TNRC6A: variants seen among roughly 807,000 people sequenced by gnomAD.
TNRC6A encodes the protein trinucleotide repeat-containing gene 6A protein.
TNRC6A carries 44 observed loss-of-function variants against 221.2 expected under a neutral mutation model. That is an observed-to-expected ratio of 0.20 (90% confidence interval 0.16 to 0.26). The LOEUF is 0.26. Among genes scored for constraint, TNRC6A ranks in the 10% least tolerant of loss-of-function variants. The pLI is 1.00. For missense variants in TNRC6A, 2,199 were observed against 2,404.4 expected (o/e 0.91, Z 1.79); for synonymous variants, 847 against 838.5 (o/e 1.01, Z -0.18).
At chr16:24,645,196 A>G (rs1194322409) in intron 2 of TNRC6A, among the ~76,000 whole-genome samples, 2 of 152,218 alleles carry the variant, frequency 1.3e-5, no homozygotes, top group Non-Finnish European at 2.9e-5. Context: ...AAGCAAAAGC[A>G]TATCAGTTTT....
intron 2 of TNRC6A, among the ~76,000 whole-genome samples, chr16:24,697,838 G>A (rs1306797877): frequency 2.0e-5 from 3 of 151,872 alleles, no homozygotes; most frequent in Non-Finnish European, 2.9e-5. Flanking sequence ...TCAAGAGATC[G>A]AGACCATCCT....
chr16:24,675,724 A>G (rs1342538560), intron 2 of TNRC6A, among the ~76,000 whole-genome samples: 3 of 134,346 alleles, frequency 2.2e-5, no homozygotes, highest in Non-Finnish European at 4.8e-5. Flanking sequence ...ATATATATAT[A>G]TATATATATA....
chr16:24,806,262 C>T lies in TNRC6A; in HGVS notation c.4308C>T (p.Asn1436=), dbSNP rs774402065. ...AQSQRSVPSG[N]RPQQDQQGRP... is the part of the protein sequence containing the mutation. ...GTCAGAGAAGCGTGCCTTCTGGGAA[C>T]CGGCCGCAGCAAGACCAGCAGGTAG... The change falls in exon 16 of 25, where the codon AAC becomes AAT. Residue 1436 remains asparagine, a synonymous_variant. Transcript: ENST00000395799. 1.2e-6 allele frequency: 2 copies of T among 1,614,166 alleles called. No homozygotes were observed. The highest frequency in any genetic ancestry group is 1.7e-6 in the Non-Finnish European group (2 of 1,180,032).
At chr16:24,700,389 C>T (rs542000677) in intron 2 of TNRC6A, among the ~76,000 whole-genome samples, 10 of 152,176 alleles carry the variant, frequency 6.6e-5, no homozygotes, top group African/African-American at 2.4e-4. Flanking sequence ...ACGCATGCCA[C>T]CATGCCCGGC....
At chr16:24,785,044 A>G (rs1333820517) in intron 5 of TNRC6A, among the ~76,000 whole-genome samples, 1 of 152,222 alleles carries the variant, frequency 6.6e-6, no homozygotes, top group Non-Finnish European at 1.5e-5. Context: ...AAAGTTTTCA[A>G]GTACTGAATA....
intron 2 of TNRC6A, among the ~76,000 whole-genome samples, chr16:24,655,968 T>C (rs1047788827): frequency 2.0e-5 from 3 of 146,944 alleles, no homozygotes; most frequent in Non-Finnish European, 4.5e-5. Context: ...ACGGAGACCC[T>C]TGTCTTTACA....
chr16:24,787,929 A>T (rs899738587), intron 5 of TNRC6A, among the ~76,000 whole-genome samples: 2 of 152,194 alleles, frequency 1.3e-5, no homozygotes, highest in African/African-American at 4.8e-5. Flanking sequence ...GAAGATATAT[A>T]CTTAAAAGCA....
intron 5 of TNRC6A, among the ~76,000 whole-genome samples, chr16:24,786,108 T>A (rs1172453204): frequency 6.6e-6 from 1 of 152,192 alleles, no homozygotes; most frequent in Non-Finnish European, 1.5e-5. Context: ...AGTGGAAATT[T>A]TAAGTAAGGA....
At chr16:24,783,990 A>G (rs985560385) in intron 5 of TNRC6A, among the ~76,000 whole-genome samples, 2 of 151,892 alleles carry the variant, frequency 1.3e-5, no homozygotes, top group African/African-American at 4.8e-5. Context: ...CCTGCAACAC[A>G]TTTTGTTTTT....
At chr16:24,641,315 C>T (rs779906497) in intron 2 of TNRC6A, among the ~76,000 whole-genome samples, 2 of 152,132 alleles carry the variant, frequency 1.3e-5, no homozygotes, top group Non-Finnish European at 2.9e-5. Flanking sequence ...GACCCATGCT[C>T]TTTCTGATAT....
chr16:24,691,490 C>T (rs1259669707), intron 2 of TNRC6A, among the ~76,000 whole-genome samples: 1 of 152,072 alleles, frequency 6.6e-6, no homozygotes, highest in African/African-American at 2.4e-5. Flanking sequence ...CTGAAAGGGC[C>T]AGACGCGGTG....
intron 3 of TNRC6A, 33 bp downstream of exon 3, chr16:24,750,846 G>A: frequency 3.5e-6 from 5 of 1,408,976 alleles, no homozygotes; most frequent in Non-Finnish European, 4.7e-6. Context: ...ATATTAAGCA[G>A]TTTAAACATA....
At chr16:24,708,396 A>G (rs75813157) in intron 2 of TNRC6A, among the ~76,000 whole-genome samples, 39,141 of 151,726 alleles carry the variant, frequency 0.26, 8,335 homozygotes, top group East Asian at 0.72. Flanking sequence ...ACCCGCCACC[A>G]CGCCCGGCTA....
At chr16:24,784,505 G>T (rs1427238946) in intron 5 of TNRC6A, among the ~76,000 whole-genome samples, 1 of 152,012 alleles carries the variant, frequency 6.6e-6, no homozygotes, top group Non-Finnish European at 1.5e-5. Flanking sequence ...TTTATTTTTT[G>T]TAGAGATGGG....
At chr16:24,610,892 C>T (rs1370408890) in intron 1 of TNRC6A, among the ~76,000 whole-genome samples, 2 of 152,108 alleles carry the variant, frequency 1.3e-5, no homozygotes, top group East Asian at 3.9e-4. Context: ...CTCGCTGCAA[C>T]CTCTGCCTTC....
chr16:24,779,634 A>G (rs982642421), intron 5 of TNRC6A, among the ~76,000 whole-genome samples: 7 of 152,174 alleles, frequency 4.6e-5, no homozygotes, highest in Non-Finnish European at 1.0e-4. Flanking sequence ...TACTTCTTTT[A>G]CAGAGTAGAT....
Position 24,797,748 on chromosome 16 carries a change from CAT to C in TNRC6A, c.3643-166_3643-165del, listed in dbSNP as rs377289978. 1.4e-4 allele frequency among the ~76,000 whole-genome samples: 21 copies of C among 152,276 alleles called. No homozygotes were observed. In the South Asian group the frequency reaches 4.4e-3, roughly 32 times the overall value. ...TGGTTTTAGCTAAAAACTTCAATCACATGTCTTATTTTAAAACATTTTAAAAA... is the reference window on the plus strand; with the variant it reads ...TGGTTTTAGCTAAAAACTTCAATCACGTCTTATTTTAAAACATTTTAAAAA... On this transcript the variant is annotated intron_variant, in intron 10 of 24. Coordinates refer to ENST00000395799, the MANE Select transcript of TNRC6A (RefSeq NM_014494.4).
intron 2 of TNRC6A, among the ~76,000 whole-genome samples, chr16:24,657,340 A>AAAAAAAAC (rs1567330492): frequency 1.8e-5 from 2 of 113,802 alleles, no homozygotes; most frequent in Admixed American, 1.1e-4. Context: ...AAAAAAAAAA[A>AAAAAAAAC]AACAAACAAA....
intron 22 of TNRC6A, 117 bp from the exon 23 acceptor site, chr16:24,821,960 C>A: frequency 1.1e-6 from 1 of 951,746 alleles, no homozygotes; most frequent in Non-Finnish European, 1.7e-6. Flanking sequence ...GAGAAAGCCT[C>A]CCATGTAGAA....
Sources: gnomAD v4.1 joint callset for allele counts (sites outside exome capture counted in the v4.1 genomes callset) on GRCh38, gnomAD v4.1.1 for gene constraint, MANE v1.5 for transcripts, NCBI Gene and HGNC (gene_info 2026-07-23, HGNC 2026-07-21) for gene names.